TRIM14: variants seen among roughly 807,000 people sequenced by gnomAD.
The protein encoded by TRIM14 is tripartite motif-containing protein 14.
TRIM14 carries 28 observed loss-of-function variants against 44.5 expected under a neutral mutation model. That is an observed-to-expected ratio of 0.63 (90% confidence interval 0.47 to 0.86). The LOEUF is 0.86. TRIM14 is among the 40% of genes least tolerant of loss of function. TRIM14 has a pLI of 0.00. For missense variants in TRIM14, 607 were observed against 611.1 expected, an observed-to-expected ratio of 0.99 and a Z score of 0.07; for synonymous variants, 299 against 269.2, an observed-to-expected ratio of 1.11 and a Z score of -1.08.
the TRIM14 span, among the ~76,000 whole-genome samples, chr9:98,048,461 T>G: frequency 5.9e-5 from 9 of 152,212 alleles, no homozygotes; most frequent in Non-Finnish European, 1.0e-4. Context: ...TGTAGTTATA[T>G]ATGTGTTGTG....
intron 2 of TRIM14, among the ~76,000 whole-genome samples, chr9:98,101,519 G>A (rs975551911): frequency 9.3e-5 from 14 of 150,458 alleles, no homozygotes; most frequent in South Asian, 6.3e-4. Context: ...TCCGCTTCCC[G>A]GGTACAAGCG....
chr9:98,116,360 A>G (rs1405163700), intron 1 of TRIM14, among the ~76,000 whole-genome samples: 1 of 151,932 alleles, frequency 6.6e-6, no homozygotes, highest in East Asian at 1.9e-4. Context: ...CCTTGTCTAC[A>G]CAGTTCCCTT....
chr9:98,084,149 G>GAGAC (rs1564168974), downstream of TRIM14, among the ~76,000 whole-genome samples: 1 of 151,978 alleles, frequency 6.6e-6, no homozygotes, highest in Non-Finnish European at 1.5e-5. Context: ...GGGACCTCAA[G>GAGAC]AGACAGAAGA....
intron 3 of TRIM14, 114 bp downstream of exon 3, chr9:98,099,817 A>G: frequency 1.1e-6 from 1 of 888,834 alleles, no homozygotes; most frequent in South Asian, 1.6e-5. Flanking sequence ...CATGGTGACA[A>G]GACAATAGTC....
chr9:98,087,330 G>A lies in TRIM14; in HGVS notation c.*140C>T. 7.7e-7 allele frequency: 1 copy of A among 1,299,620 alleles called. No homozygotes were observed. The highest frequency in any genetic ancestry group is 1.1e-6 in the Non-Finnish European group (1 of 893,764). 80.5% of individuals were successfully genotyped at this position (1,299,620 alleles called of 1,614,324 possible). On this transcript the variant is annotated 3_prime_UTR_variant, in exon 6 of 6. Transcript: ENST00000341469. ...AGGAAACCTTCAAAGCACTGTAGGC[G>A]TGATTGGTCGGGGAAAGCTGGGGCA...
At chr9:98,056,962 C>T in the TRIM14 span, 2 of 1,558,084 alleles carry the variant, frequency 1.3e-6, no homozygotes, top group Non-Finnish European at 1.7e-6. Context: ...GCTCCCGGGA[C>T]CCGGGATTCG....
chr9:98,083,141 CTCCAGG>C, downstream of TRIM14: 5 of 1,299,056 alleles, frequency 3.8e-6, no homozygotes, highest in African/African-American at 1.5e-5. Context: ...GAATGGCGGT[CTCCAGG>C]GACCTGGCTG....
the TRIM14 span, among the ~76,000 whole-genome samples, chr9:98,048,060 T>C: frequency 8.1e-6 from 1 of 123,242 alleles, no homozygotes; most frequent in Admixed American, 7.5e-5. Flanking sequence ...GTGAGACTCC[T>C]TCTCAAAAAA....
chr9:98,052,830 C>A, the TRIM14 span, among the ~76,000 whole-genome samples: 1 of 152,144 alleles, frequency 6.6e-6, no homozygotes, highest in Non-Finnish European at 1.5e-5. Flanking sequence ...ACCAGACTAG[C>A]CAGGACAGCC....
Position 98,095,773 on chromosome 9 carries a change from G to T in TRIM14, c.538-744C>A, listed in dbSNP as rs1303236404. Among the ~76,000 whole-genome samples, 1 of 152,184 alleles carries T rather than the reference G, an allele frequency of 6.6e-6. No homozygotes were observed. Among genetic ancestry groups the T allele is most frequent in the Non-Finnish European group, 1.5e-5 (1 of 68,036 alleles). The stretch of plus-strand genomic sequence containing the variant: ...GTGATGGTGGCATGTGGCACTGAGG[G>T]ACAGCAGTGGTGGGGGCTCTGGTCA... On this transcript the variant is annotated intron_variant, in intron 3 of 5. Coordinates refer to ENST00000341469, the MANE Select transcript of TRIM14 (RefSeq NM_014788.4). This position sits in a 1 kb window ranked among gnomAD's most constrained non-coding sequence, Gnocchi z 4.1.
the TRIM14 span, among the ~76,000 whole-genome samples, chr9:98,046,730 C>T: frequency 1.1e-3 from 164 of 152,134 alleles, 1 homozygote; most frequent in Admixed American, 1.8e-3. Context: ...TGAGCCACTG[C>T]GCCCAGCTGA....
At chr9:98,069,874 A>G (rs1159667521) in intron 6 of TRIM14, among the ~76,000 whole-genome samples, 1 of 152,148 alleles carries the variant, frequency 6.6e-6, no homozygotes, top group East Asian at 1.9e-4. Context: ...ATTGCATATA[A>G]TTAAATATAG....
At chr9:98,116,684 C>A (rs1458856807) in intron 1 of TRIM14, among the ~76,000 whole-genome samples, 2 of 147,128 alleles carry the variant, frequency 1.4e-5, no homozygotes, top group Non-Finnish European at 3.0e-5. Flanking sequence ...AAAAAAAATA[C>A]AAAAAAAAAA....
downstream of TRIM14, among the ~76,000 whole-genome samples, chr9:98,084,128 G>A (rs186736514): frequency 4.8e-4 from 73 of 151,894 alleles, no homozygotes; most frequent in African/African-American, 1.8e-3. Context: ...GGGAGGAAGC[G>A]GAAGATTCAA....
chr9:98,047,593 C>T, the TRIM14 span, among the ~76,000 whole-genome samples: 1 of 152,078 alleles, frequency 6.6e-6, no homozygotes, highest in Non-Finnish European at 1.5e-5. Context: ...TTCTGCATTG[C>T]ATTATCTGAT....
In TRIM14 at chr9:98,087,675, TGG is replaced by T; in HGVS notation, c.1122_1123del (p.Phe374LeufsTer134). 6.2e-7 allele frequency: 1 copy of T among 1,602,340 alleles called. No individual in the cohort carries two copies. The highest frequency in any genetic ancestry group is 8.5e-7 in the Non-Finnish European group (1 of 1,178,618). On this transcript the variant is annotated frameshift_variant, in exon 6 of 6. Coordinates refer to ENST00000341469, the MANE Select transcript of TRIM14 (RefSeq NM_014788.4). LOFTEE classifies it high-confidence loss of function. ...CCGCAGGCGGCTGCGCTGGCCGTCGTGGAAGGCCCAGTACTCAAGGTCGTAGC... is the reference window on the plus strand; with the variant it reads ...CCGCAGGCGGCTGCGCTGGCCGTCGTAAGGCCCAGTACTCAAGGTCGTAGC...
At chr9:98,073,539 T>C (rs1829446297) in intron 6 of TRIM14, among the ~76,000 whole-genome samples, 1 of 151,132 alleles carries the variant, frequency 6.6e-6, no homozygotes, top group African/African-American at 2.4e-5. Context: ...CGCCACGGCC[T>C]CCCAAAGTGC....
intron 1 of TRIM14, among the ~76,000 whole-genome samples, chr9:98,112,859 A>G (rs1826903168): frequency 6.6e-6 from 1 of 150,774 alleles, no homozygotes. Context: ...CATGGCTGTA[A>G]TCCCACCACT....
intron 1 of TRIM14, among the ~76,000 whole-genome samples, chr9:98,111,874 G>C (rs1431058201): frequency 6.6e-6 from 1 of 152,136 alleles, no homozygotes; most frequent in Non-Finnish European, 1.5e-5. Context: ...GGAGGCAGAG[G>C]TTGCAGTGAG....
Sources: allele counts gnomAD v4.1 joint callset (sites outside exome capture counted in the v4.1 genomes callset), GRCh38; gene constraint gnomAD v4.1.1; non-coding constraint Gnocchi (gnomAD v3.1); transcripts MANE v1.5; gene names NCBI Gene and HGNC (gene_info 2026-07-23, HGNC 2026-07-21).